EDIL3: variants seen among roughly 807,000 people sequenced by gnomAD.
EDIL3 encodes the protein EGF-like repeat and discoidin I-like domain-containing protein 3.
EDIL3 carries 37 observed loss-of-function variants against 67.4 expected under a neutral mutation model. The ratio of observed to expected loss-of-function variants is 0.55; its 90% CI spans 0.42 to 0.72. The LOEUF (loss-of-function observed/expected upper bound fraction) is 0.72. Ranked by LOEUF, EDIL3 falls within the 30% of genes least tolerant of loss-of-function variation. EDIL3 has a pLI of 0.00. For synonymous variants in EDIL3, 195 were observed against 196.3 expected (o/e 0.99, Z 0.05); for missense variants, 527 against 586.3 (o/e 0.90, Z 1.04).
intron 1 of EDIL3, among the ~76,000 whole-genome samples, chr5:84,365,201 T>G (rs1022458032): frequency 3.3e-5 from 5 of 152,256 alleles, no homozygotes; most frequent in Admixed American, 1.3e-4. Flanking sequence ...AGTAAAGAGT[T>G]TTCTGAATAC....
At chr5:84,035,587 C>T (rs1038622666) in intron 9 of EDIL3, among the ~76,000 whole-genome samples, 6 of 152,158 alleles carry the variant, frequency 3.9e-5, no homozygotes, top group South Asian at 2.1e-4. Flanking sequence ...AAATGGTATG[C>T]GGAGTATGTG....
chr5:84,206,721 G>A (rs893004510), intron 3 of EDIL3, among the ~76,000 whole-genome samples: 4 of 151,984 alleles, frequency 2.6e-5, no homozygotes, highest in Non-Finnish European at 5.9e-5. Context: ...CTTCATCCCT[G>A]GGATGCAAGA....
intron 3 of EDIL3, among the ~76,000 whole-genome samples, chr5:84,190,549 A>ACG (rs1743558426): frequency 7.4e-6 from 1 of 134,898 alleles, no homozygotes; most frequent in Non-Finnish European, 1.6e-5. Context: ...ATATATATAT[A>ACG]TATGTGTGTG....
intron 9 of EDIL3, among the ~76,000 whole-genome samples, chr5:84,027,131 T>C (rs183150368): frequency 1.4e-4 from 21 of 152,216 alleles, no homozygotes; most frequent in African/African-American, 4.3e-4. Flanking sequence ...AAGGGACATA[T>C]CTTGCTTTAG....
chr5:84,235,099 C>T (rs1404330463), intron 2 of EDIL3, among the ~76,000 whole-genome samples: 1 of 152,094 alleles, frequency 6.6e-6, no homozygotes, highest in Non-Finnish European at 1.5e-5. Context: ...CATAGAAGTA[C>T]TGAGAGAGAG....
At chr5:84,173,441 T>A (rs1335670015) in intron 4 of EDIL3, among the ~76,000 whole-genome samples, 2 of 151,916 alleles carry the variant, frequency 1.3e-5, no homozygotes, top group African/African-American at 2.4e-5. Flanking sequence ...AGTCACCAAC[T>A]CCCCTGCACC....
intron 1 of EDIL3, among the ~76,000 whole-genome samples, chr5:84,376,561 A>T (rs927832762): frequency 8.5e-5 from 13 of 152,250 alleles, no homozygotes; most frequent in Admixed American, 7.9e-4. Context: ...GAGTGTTGAG[A>T]AATATTTTCA....
At chr5:84,064,483 T>C (rs915119909) in intron 8 of EDIL3, among the ~76,000 whole-genome samples, 5 of 152,166 alleles carry the variant, frequency 3.3e-5, no homozygotes, top group African/African-American at 9.6e-5. Context: ...CAAAACACAT[T>C]ACTCTTTCTA....
chr5:84,114,591 T>G (rs936845121), intron 5 of EDIL3, among the ~76,000 whole-genome samples: 1 of 152,198 alleles, frequency 6.6e-6, no homozygotes, highest in African/African-American at 2.4e-5. Flanking sequence ...GTATAAACAT[T>G]ACATACAGTC....
At chr5:84,096,398 A>G (rs1375072282) in intron 6 of EDIL3, among the ~76,000 whole-genome samples, 2 of 152,186 alleles carry the variant, frequency 1.3e-5, no homozygotes, top group Non-Finnish European at 2.9e-5. Flanking sequence ...CTTGACATGG[A>G]TGTGAGACAT....
chr5:84,316,809 T>C (rs1287975508), intron 1 of EDIL3, among the ~76,000 whole-genome samples: 1 of 152,080 alleles, frequency 6.6e-6, no homozygotes, highest in East Asian at 1.9e-4. Flanking sequence ...GAATATACAC[T>C]CTTCTCAGCA....
At chr5:84,082,693 CAT>C (rs1197542337) in intron 6 of EDIL3, among the ~76,000 whole-genome samples, 1 of 152,014 alleles carries the variant, frequency 6.6e-6, no homozygotes, top group East Asian at 1.9e-4. Context: ...AATACATTAA[CAT>C]ATGTTCTGAG....
chr5:84,180,172 A>G (rs765381349), intron 4 of EDIL3, among the ~76,000 whole-genome samples: 1 of 152,160 alleles, frequency 6.6e-6, no homozygotes, highest in Non-Finnish European at 1.5e-5. Flanking sequence ...AGGGATGACC[A>G]GAAGACTACA....
rs1212301902 is a variant in EDIL3 at position 84,348,188 on chromosome 5, AT to A, written c.67+36119del. ...AAAGGTGGTAAATACATTTCAGGGA[AT>A]TTTACCACTTGAAGCATGGAAGCTA... On this transcript the variant is annotated intron_variant, in intron 1 of 10. Transcript: ENST00000296591. Among the ~76,000 whole-genome samples the A allele has an allele frequency of 1.2e-4, 19 of 152,300 alleles. No homozygotes were observed. In the East Asian group the frequency reaches 3.7e-3, roughly 29 times the overall value.
intron 1 of EDIL3, among the ~76,000 whole-genome samples, chr5:84,354,045 A>G (rs951657985): frequency 1.6e-4 from 24 of 152,204 alleles, no homozygotes; most frequent in African/African-American, 5.8e-4. Context: ...GCATGTGGAA[A>G]ACAAATACTT....
At chr5:84,295,785 T>C (rs1458648277) in intron 1 of EDIL3, among the ~76,000 whole-genome samples, 1 of 152,178 alleles carries the variant, frequency 6.6e-6, no homozygotes, top group Non-Finnish European at 1.5e-5. Flanking sequence ...TTAACTGTTA[T>C]ACACACACCA....
At chr5:84,114,802 C>T (rs190440816) in intron 5 of EDIL3, among the ~76,000 whole-genome samples, 8 of 152,206 alleles carry the variant, frequency 5.3e-5, no homozygotes, top group Admixed American at 4.6e-4. Context: ...TGTGGTATTT[C>T]GCTGGGAAAA....
intron 1 of EDIL3, among the ~76,000 whole-genome samples, chr5:84,270,727 A>G (rs1424794899): frequency 6.6e-6 from 1 of 152,206 alleles, no homozygotes; most frequent in Non-Finnish European, 1.5e-5. Flanking sequence ...GAATGCTACT[A>G]TTGTCACCAT....
At chr5:83,971,820 C>A (rs534555150) in intron 9 of EDIL3, among the ~76,000 whole-genome samples, 1 of 152,160 alleles carries the variant, frequency 6.6e-6, no homozygotes, top group Non-Finnish European at 1.5e-5. Flanking sequence ...GCCCAGCAGA[C>A]ATTTAGGCAG....
Sources: allele counts gnomAD v4.1 joint callset (sites outside exome capture counted in the v4.1 genomes callset), GRCh38; gene constraint gnomAD v4.1.1; transcripts MANE v1.5; gene names NCBI Gene and HGNC (gene_info 2026-07-23, HGNC 2026-07-21).